Variants in MTMR4 observed in about 807,000 individuals in gnomAD.
MTMR4 encodes phosphatidylinositol-3,5-bisphosphate 3-phosphatase MTMR4.
Under a neutral mutation model 125.5 loss-of-function variants are expected in MTMR4, and 30 were observed. The observed-to-expected ratio is 0.24, with a 90% CI of 0.18 to 0.32. The LOEUF (loss-of-function observed/expected upper bound fraction) is 0.32. Among genes scored for constraint, MTMR4 ranks in the 10% least tolerant of loss-of-function variants. The pLI is 1.00. For synonymous variants in MTMR4, 498 were observed against 564.5 expected (o/e 0.88, Z 1.67); for missense variants, 1,039 against 1,511.5 (o/e 0.69, Z 5.18).
chr17:58,509,840 C>T lies in MTMR4; in HGVS notation c.336-999G>A, dbSNP rs139265252. Among the ~76,000 whole-genome samples, 886 of 152,274 alleles carry T rather than the reference C, an allele frequency of 5.8e-3. 6 individuals carry two copies. The highest frequency in any genetic ancestry group is 9.4e-3 in the African/African-American group (389 of 41,548). The stretch of plus-strand genomic sequence containing the variant: ...GCAATGTGAATGCTCCTTCTGAATG[C>T]CCCACAGACCTGAGCACATGGTAGG... On this transcript the variant is annotated intron_variant, in intron 4 of 17. Coordinates refer to ENST00000682306, the MANE Select transcript of MTMR4 (RefSeq NM_001378067.1).
Position 58,511,426 on chromosome 17 carries a change from C to A in MTMR4, c.335+3G>T. ...GACCTGAGTGAGGCTCCGTTGTTCT[C>A]ACCTCACCACTTTGGAGTCCTTGCA... On this transcript the variant is annotated splice_donor_region_variant and intron_variant, in intron 4 of 17. Transcript: ENST00000682306. 1 of 1,609,514 alleles carries A rather than the reference C, an allele frequency of 6.2e-7. No homozygotes were observed. The highest frequency in any genetic ancestry group is 8.5e-7 in the Non-Finnish European group (1 of 1,177,826).
chr17:58,503,933 G>A (rs778879963), intron 13 of MTMR4, 35 bp from the exon 14 acceptor site: 3 of 1,595,566 alleles, frequency 1.9e-6, no homozygotes, highest in Admixed American at 1.8e-5. Flanking sequence ...GCTTTGTCAA[G>A]AGTTCCTTGT....
In MTMR4 at chr17:58,495,764, G is replaced by A. The variant is rs775714338; in HGVS notation, c.2420C>T (p.Ala807Val). The A allele has an allele frequency of 2.5e-6, 4 of 1,613,986 alleles. No individual in the cohort carries two copies. The highest frequency in any genetic ancestry group is 3.4e-6 in the Non-Finnish European group (4 of 1,180,042). Residue 807 changes from alanine (A) to valine (V), a missense_variant, in exon 15 of 18, where the codon GCC (alanine) becomes GTC (valine). This residue lies in a region of MTMR4 where 619 missense variants were observed against 714.5 expected (regional missense o/e 0.87). Transcript: ENST00000682306. ...CACACCTAGCATGGAGTCTGGCTGG[G>A]CCTGTTGGGGCGTACCTGTAGGAGA... ...QNSPTGTPQQ[A>V]QPDSMLGVPS...
chr17:58,495,427 G>A lies in MTMR4; in HGVS notation c.2757C>T (p.Ser919=). Residue 919 remains serine (S), a synonymous_variant, in exon 15 of 18, where the codon TCC becomes TCT. Coordinates refer to ENST00000682306, the MANE Select transcript of MTMR4 (RefSeq NM_001378067.1). ...CCATCCCTTGGAAGCTGTCCCAGTT[G>A]GACCCTAGAAAAGAGAACTCACTGA... ...SQISEFSFLG[S]NWDSFQGMVT... 1 of 1,614,260 alleles carries A rather than the reference G, an allele frequency of 6.2e-7. No individual in the cohort carries two copies. The highest frequency in any genetic ancestry group is 2.2e-5 in the East Asian group (1 of 44,890).
chr17:58,510,037 A>T (rs1318586889), intron 4 of MTMR4, among the ~76,000 whole-genome samples: 6 of 152,180 alleles, frequency 3.9e-5, no homozygotes, highest in African/African-American at 1.4e-4. Flanking sequence ...ATGATCTCTC[A>T]TCTGGGTAAC....
At position 58,514,627 on chromosome 17, in the gene MTMR4, A is replaced by G; in HGVS notation, c.-220T>C. The G allele has an allele frequency of 2.0e-6, 2 of 985,190 alleles. No individual in the cohort carries two copies. The highest frequency in any genetic ancestry group is 4.7e-5 in the South Asian group (1 of 21,290). The allele number at this position is 985,190 out of a possible 1,614,324, so 61.0% of individuals were successfully genotyped here. On this transcript the variant is annotated 5_prime_UTR_variant, in exon 1 of 18. Transcript: ENST00000682306. ...CAGCTCCGCCCTCCCGCACGAGTGC[A>G]GAAGGGAGGGGAGCCAGGCGAGGGG...
rs1336453429 is a variant in MTMR4, at chr17:58,512,435, G to A, written c.207C>T (p.Ile69=). 1 of 1,614,210 alleles carries A rather than the reference G, an allele frequency of 6.2e-7. No homozygotes were observed. The highest frequency in any genetic ancestry group is 1.1e-5 in the South Asian group (1 of 91,082). Residue 69 remains isoleucine (I), a synonymous_variant, in exon 3 of 18, where the codon ATC becomes ATT. Coordinates refer to ENST00000682306, the MANE Select transcript of MTMR4 (RefSeq NM_001378067.1). This position sits in a 1 kb window ranked among gnomAD's most constrained non-coding sequence, Gnocchi z 4.1. The part of the protein sequence containing the change: ...LGRAADALIA[I]SNYRLHIKFK... ...ATTTGATATGCAGCCGGTAGTTAGA[G>A]ATGGCAATGAGGGCATCGGCTGCCC...
At chr17:58,518,597 T>G (rs2042058042), upstream of MTMR4, among the ~76,000 whole-genome samples, 1 of 152,150 alleles carries the variant, frequency 6.6e-6, no homozygotes, top group African/African-American at 2.4e-5. Context: ...TGAAGAACTC[T>G]CCTCTCATCC....
chr17:58,503,998 T>A, intron 13 of MTMR4, 52 bp downstream of exon 13: 1 of 1,542,658 alleles, frequency 6.5e-7, no homozygotes, highest in Non-Finnish European at 8.7e-7. Flanking sequence ...ACTCAGCTGC[T>A]TCTCCCTATA....
At position 58,495,862 on chromosome 17, in the gene MTMR4, A is replaced by G. The variant is rs770947587; in HGVS notation, c.2322T>C (p.Ala774=). ...EPPEHCPETE[A]VSALSKVISN... ...AAATGACCTTGGAGAGTGCACTGAC[A>G]GCTTCTGTTTCAGGACAATGTTCAG... is the stretch of plus-strand genomic sequence containing the variant. Residue 774 remains alanine, a synonymous_variant, in exon 15 of 18, where the codon GCT becomes GCC. Coordinates refer to ENST00000682306, the MANE Select transcript of MTMR4 (RefSeq NM_001378067.1). 2.5e-6 allele frequency: 4 copies of G among 1,614,174 alleles called. No individual in the cohort carries two copies. The Admixed American group carries it at 6.7e-5, about 27-fold the overall frequency.
chr17:58,501,597 TAC>T (rs1050073388), intron 14 of MTMR4, among the ~76,000 whole-genome samples: 4 of 151,558 alleles, frequency 2.6e-5, no homozygotes, highest in African/African-American at 9.7e-5. Context: ...TATACATATA[TAC>T]ACACATATAT....
chr17:58,503,870 G>A lies in MTMR4; in HGVS notation c.1727C>T (p.Ala576Val). 6.2e-7 allele frequency: 1 copy of A among 1,614,110 alleles called. No homozygotes were observed. Among genetic ancestry groups the A allele is most frequent in the South Asian group, 1.1e-5 (1 of 91,068 alleles). ...MVLHPVCHVRALHLWTAVYLP... is the reference protein window; with the variant it reads ...MVLHPVCHVRVLHLWTAVYLP... ...ATAAACAGCTGTCCAGAGGTGCAGG[G>A]CCCGGACATGACAAACAGGATGCAG... is the stretch of plus-strand genomic sequence containing the variant. Residue 576 changes from alanine to valine, a missense_variant, in exon 14 of 18, where the codon GCC becomes GTC. Physicochemically the swap from Ala to Val is moderately conservative, Grantham distance 64. Around this residue, in one of 6 missense-constraint regions of MTMR4, gnomAD observed 619 missense variants for 714.5 expected, o/e 0.87. Transcript: ENST00000682306.
Position 58,495,919 on chromosome 17 carries a change from C to T in MTMR4, c.2265G>A (p.Leu755=), listed in dbSNP as rs200866715. Residue 755 remains leucine (L), a synonymous_variant, in exon 15 of 18, where the codon CTG becomes CTA. Transcript: ENST00000682306. ...PAPDPSAQDE[L]GRTLDGIGEP... ...CCCCTATGCCATCTAAAGTCCTACC[C>T]AGCTCATCCTGGGCAGAAGGGTCTG... 10 of 1,614,190 alleles carry T rather than the reference C, an allele frequency of 6.2e-6. No individual in the cohort carries two copies. In the Admixed American group the frequency reaches 1.2e-4, roughly 19 times the overall value.
intron 3 of MTMR4, 111 bp from the exon 4 acceptor site, chr17:58,511,622 C>T (rs925633821): frequency 3.3e-5 from 28 of 847,442 alleles, no homozygotes; most frequent in Non-Finnish European, 5.7e-6. Context: ...CCAACATTTA[C>T]TGAGGGTCTG....
rs1447802017 is a variant in MTMR4, at chr17:58,490,866, T to C, written c.*797A>G. On this transcript the variant is annotated 3_prime_UTR_variant, in exon 18 of 18. Transcript: ENST00000682306. ...GCAGATATTTCACAAGGATAATTTT[T>C]GCTTTTCCCTTCTCATTCTTCACAG... The C allele has an allele frequency of 4.6e-5, 7 of 152,668 alleles. No individual in the cohort carries two copies. The highest frequency in any genetic ancestry group is 8.8e-5 in the Non-Finnish European group (6 of 68,046). 9.5% of individuals were successfully genotyped at this position (152,668 alleles called of 1,614,324 possible).
Position 58,495,428 on chromosome 17 carries a change from G to C in MTMR4, c.2756C>G (p.Ser919Cys). Residue 919 changes from serine to cysteine, a missense_variant, in exon 15 of 18, where the codon TCC becomes TGC. Physicochemically the swap from Ser to Cys is moderately radical, Grantham distance 112 (BLOSUM62 -1). Coordinates refer to ENST00000682306, the MANE Select transcript of MTMR4 (RefSeq NM_001378067.1). ...SQISEFSFLG[S>C]NWDSFQGMVT... ...CATCCCTTGGAAGCTGTCCCAGTTG[G>C]ACCCTAGAAAAGAGAACTCACTGAT... 2 of 1,614,246 alleles carry C rather than the reference G, an allele frequency of 1.2e-6. No homozygotes were observed. The highest frequency in any genetic ancestry group is 1.7e-6 in the Non-Finnish European group (2 of 1,180,044).
At chr17:58,491,937 G>A (rs1975325001) in intron 17 of MTMR4, 97 bp from the exon 18 acceptor site, 19 of 1,173,490 alleles carry the variant, frequency 1.6e-5, no homozygotes, top group Non-Finnish European at 2.2e-5. Context: ...TTGGTAGGCT[G>A]AGGCAGTAGA....
In MTMR4 at chr17:58,509,593, AATTCTTCATAGAGACAGGGTCTCTCT is replaced by A. The variant is rs140349821; in HGVS notation, c.336-778_336-753del. Among the ~76,000 whole-genome samples, 32 of 151,154 alleles carry A rather than the reference AATTCTTCATAGAGACAGGGTCTCTCT, an allele frequency of 2.1e-4. No homozygotes were observed. In the East Asian group the frequency reaches 6.1e-3, roughly 29 times the overall value. On this transcript the variant is annotated intron_variant, in intron 4 of 17. Transcript: ENST00000682306. ...ACCACCACGTCTGGCTAACTTTTTA[AATTCTTCATAGAGACAGGGTCTCTCT>A]ATGTTGTCCAGGCTGATCTTGAACT...
At chr17:58,497,556 T>C (rs1457978305) in intron 14 of MTMR4, among the ~76,000 whole-genome samples, 2 of 152,238 alleles carry the variant, frequency 1.3e-5, no homozygotes, top group Non-Finnish European at 2.9e-5. Flanking sequence ...AGCACATTGC[T>C]CAGTGCTTCC....
Sources: gnomAD v4.1 joint callset for allele counts (sites outside exome capture counted in the v4.1 genomes callset) on GRCh38, gnomAD v4.1.1 for gene constraint, gnomAD v4.1.1 regional missense constraint, Gnocchi (gnomAD v3.1) non-coding constraint, MANE v1.5 for transcripts, NCBI Gene and HGNC (gene_info 2026-07-23, HGNC 2026-07-21) for gene names.